HNRNPR: variants seen among roughly 807,000 people sequenced by gnomAD.
HNRNPR encodes the protein heterogeneous nuclear ribonucleoprotein R.
In HNRNPR, 4 loss-of-function variants were observed where a neutral mutation model predicts 70.3. That is an observed-to-expected ratio of 0.06 (90% confidence interval 0.03 to 0.13). The LOEUF is 0.13. HNRNPR is among the 10% of genes least tolerant of loss of function. The pLI, the probability that HNRNPR is intolerant of heterozygous loss-of-function variation, is 1.00. For synonymous variants in HNRNPR, 241 were observed against 267.6 expected (o/e 0.90, Z 0.97); for missense variants, 423 against 788.5 (o/e 0.54, Z 5.55).
In HNRNPR at chr1:23,337,914, T is replaced by G. The variant is rs1646563195; in HGVS notation, c.277-53A>C. On this transcript the variant is annotated intron_variant, in intron 3 of 10. Coordinates refer to ENST00000302271, the MANE Select transcript of HNRNPR (RefSeq NM_005826.5). ...AGAATCACCAAAAATATCTGAAGGG[T>G]CAGATACATAATTAAATTTAAATTT... The G allele has an allele frequency of 6.9e-6, 7 of 1,016,264 alleles. No individual in the cohort carries two copies. In the South Asian group the frequency reaches 8.3e-5, roughly 12 times the overall value. The allele number at this position is 1,016,264 out of a possible 1,614,324, so 63.0% of individuals were successfully genotyped here.
At chr1:23,340,682 T>TA (rs1369199697) in intron 2 of HNRNPR, among the ~76,000 whole-genome samples, 170 bp downstream of exon 2, 2 of 152,236 alleles carry the variant, frequency 1.3e-5, no homozygotes, top group East Asian at 3.9e-4. Flanking sequence ...AATAATGAAA[T>TA]AAGAGTATCA....
chr1:23,328,587 C>A (rs2148420453), intron 5 of HNRNPR, among the ~76,000 whole-genome samples: 1 of 152,314 alleles, frequency 6.6e-6, no homozygotes, highest in East Asian at 1.9e-4. Flanking sequence ...GCAACCTCCA[C>A]CTCCCAGATT....
rs1056834248 is a variant in HNRNPR at position 23,318,851 on chromosome 1, G to A, written c.812-163C>T. 2.6e-5 allele frequency among the ~76,000 whole-genome samples: 4 copies of A among 152,180 alleles called. No individual in the cohort carries two copies. In the East Asian group the frequency reaches 7.7e-4, roughly 29 times the overall value. The stretch of plus-strand genomic sequence containing the variant: ...TTAGATCAACATAATTAGATATGGG[G>A]TTTGGGACAGTATTTGATGTTCCTT... On this transcript the variant is annotated intron_variant, in intron 7 of 10. Coordinates refer to ENST00000302271, the MANE Select transcript of HNRNPR (RefSeq NM_005826.5). The surrounding 1 kb of genome is among the most constrained non-coding windows in gnomAD (Gnocchi z 4.2).
rs1645237817 is a variant in HNRNPR, at chr1:23,308,401, T to C, written c.*2053A>G. On this transcript the variant is annotated 3_prime_UTR_variant, in exon 11 of 11. Coordinates refer to ENST00000302271, the MANE Select transcript of HNRNPR (RefSeq NM_005826.5). Reference sequence around the variant, plus strand: ...ATACAAACAACTCAAATTTTATTTGTAGATTTTGTTCTTTCCAGGAAAAAA... The same window carrying C: ...ATACAAACAACTCAAATTTTATTTGCAGATTTTGTTCTTTCCAGGAAAAAA... 1 of 152,090 alleles carries C rather than the reference T, an allele frequency of 6.6e-6. No individual in the cohort carries two copies. The highest frequency in any genetic ancestry group is 6.5e-5 in the Admixed American group (1 of 15,286). The allele number at this position is 152,090 out of a possible 1,614,324, so 9.4% of individuals were successfully genotyped here.
rs1645194606 is a variant in HNRNPR, at chr1:23,305,796, T to A, written c.*4658A>T. ...CACAAGTTGTTCATAGGTTTATGTT[T>A]CTGCTATGTTCAAGGTCTTAATATT... is the stretch of plus-strand genomic sequence containing the variant. On this transcript the variant is annotated 3_prime_UTR_variant, in exon 11 of 11. Coordinates refer to ENST00000302271, the MANE Select transcript of HNRNPR (RefSeq NM_005826.5). 6.6e-6 allele frequency: 1 copy of A among 152,202 alleles called. No individual in the cohort carries two copies. The allele number at this position is 152,202 out of a possible 1,614,324, so 9.4% of individuals were successfully genotyped here.
At chr1:23,330,058 G>A (rs1161800720) in intron 5 of HNRNPR, among the ~76,000 whole-genome samples, 9 of 152,116 alleles carry the variant, frequency 5.9e-5, no homozygotes, top group Admixed American at 5.9e-4. Flanking sequence ...ATATACTTTA[G>A]GGCTCTGTTA....
rs1645203234 is a variant in HNRNPR, at chr1:23,306,434, C to T, written c.*4020G>A. On this transcript the variant is annotated 3_prime_UTR_variant, in exon 11 of 11. Transcript: ENST00000302271. ...TACCAACAATTCCACTGGTTATCGT[C>T]CCCAGCGAACCCCACCTAGCAAGTC... 6.6e-6 allele frequency: 1 copy of T among 151,912 alleles called. No individual in the cohort carries two copies. Among genetic ancestry groups the T allele is most frequent in the Non-Finnish European group, 1.5e-5 (1 of 67,976 alleles). The allele number at this position is 151,912 out of a possible 1,614,324, so 9.4% of individuals were successfully genotyped here.
chr1:23,337,704 A>C, intron 4 of HNRNPR, 50 bp downstream of exon 4: 1 of 1,011,026 alleles, frequency 9.9e-7, no homozygotes, highest in Non-Finnish European at 1.5e-6. Context: ...GAGGCATTTG[A>C]CCTCATCATT....
At chr1:23,333,220 C>A (rs767618191) in intron 5 of HNRNPR, among the ~76,000 whole-genome samples, 2 of 151,954 alleles carry the variant, frequency 1.3e-5, no homozygotes, top group Non-Finnish European at 2.9e-5. Context: ...AAAGCAATTG[C>A]GTCTTCCAAA....
chr1:23,331,951 G>C (rs188720778), intron 5 of HNRNPR, among the ~76,000 whole-genome samples: 192 of 149,470 alleles, frequency 1.3e-3, no homozygotes, highest in Non-Finnish European at 1.1e-3. Context: ...GGCCAACTTG[G>C]CGCAACCCCG....
intron 1 of HNRNPR, among the ~76,000 whole-genome samples, chr1:23,342,751 A>C (rs558518922): frequency 6.6e-6 from 1 of 152,332 alleles, no homozygotes; most frequent in Admixed American, 6.5e-5. Context: ...TAGGAATACT[A>C]TCAGTCACAG....
intron 8 of HNRNPR, among the ~76,000 whole-genome samples, chr1:23,317,619 A>G (rs1486199108): frequency 6.6e-6 from 1 of 152,144 alleles, no homozygotes; most frequent in Admixed American, 6.5e-5. Flanking sequence ...TTTTGCCACT[A>G]ACAAATAAGA....
intron 5 of HNRNPR, among the ~76,000 whole-genome samples, chr1:23,326,893 G>T (rs1241980146): frequency 6.6e-6 from 1 of 152,090 alleles, no homozygotes; most frequent in Non-Finnish European, 1.5e-5. Flanking sequence ...TTTCTTACCT[G>T]AAGTATTCAG....
At chr1:23,332,030 G>A (rs1441131773) in intron 5 of HNRNPR, among the ~76,000 whole-genome samples, 2 of 151,854 alleles carry the variant, frequency 1.3e-5, no homozygotes, top group African/African-American at 4.8e-5. Flanking sequence ...TACTCGGGAG[G>A]TTAAGGCAGG....
At chr1:23,321,231 C>G (rs1387353338) in intron 7 of HNRNPR, among the ~76,000 whole-genome samples, 1 of 151,300 alleles carries the variant, frequency 6.6e-6, no homozygotes, top group Non-Finnish European at 1.5e-5. Context: ...CCTCTTGGTC[C>G]TAAAATACAC....
chr1:23,323,531 A>G (rs143905995), intron 6 of HNRNPR, 25 bp downstream of exon 6: 1 of 1,596,070 alleles, frequency 6.3e-7, no homozygotes, highest in Non-Finnish European at 8.6e-7. Flanking sequence ...GTGACTTGCT[A>G]AGACAGTGGA....
intron 2 of HNRNPR, 44 bp downstream of exon 2, chr1:23,340,808 C>A: frequency 6.7e-7 from 1 of 1,486,630 alleles, no homozygotes; most frequent in Non-Finnish European, 9.2e-7. Context: ...AGTGGTTTGC[C>A]CTCACTTTCA....
In HNRNPR at chr1:23,310,165, A is replaced by C. The variant is rs1305321883; in HGVS notation, c.*289T>G. ...AAAGGTTCTGCAAAATCATGATTTA[A>C]CAGTGTGCCCAGCTTGTTTTGAAGC... On this transcript the variant is annotated 3_prime_UTR_variant, in exon 11 of 11. Transcript: ENST00000302271. This position sits in a 1 kb window ranked among gnomAD's most constrained non-coding sequence, Gnocchi z 6.0. 3 of 255,374 alleles carry C rather than the reference A, an allele frequency of 1.2e-5. No individual in the cohort carries two copies. The highest frequency in any genetic ancestry group is 2.2e-5 in the Non-Finnish European group (3 of 135,652). 15.8% of individuals were successfully genotyped at this position (255,374 alleles called of 1,614,324 possible).
At chr1:23,335,983 G>A (rs1009559922) in intron 4 of HNRNPR, among the ~76,000 whole-genome samples, 2 of 149,476 alleles carry the variant, frequency 1.3e-5, no homozygotes, top group African/African-American at 4.9e-5. Context: ...CGGGCGTAGT[G>A]GCGGGCGCCT....
Sources: allele counts gnomAD v4.1 joint callset (sites outside exome capture counted in the v4.1 genomes callset), GRCh38; gene constraint gnomAD v4.1.1; non-coding constraint Gnocchi (gnomAD v3.1); transcripts MANE v1.5; gene names NCBI Gene and HGNC (gene_info 2026-07-23, HGNC 2026-07-21).